The following COL5A2 variants were observed in gnomAD, a reference collection of about 807,000 sequenced individuals.
COL5A2 encodes collagen type V alpha 2 chain, also known as collagen alpha-2(V) chain.
In COL5A2, 23 loss-of-function variants were observed where a neutral mutation model predicts 208.2. That is an observed-to-expected ratio of 0.11 (90% CI 0.08 to 0.16). The LOEUF (loss-of-function observed/expected upper bound fraction) is 0.16, where lower values mean the gene tolerates loss of function less well. Among genes scored for constraint, COL5A2 ranks in the 10% least tolerant of loss-of-function variants. COL5A2 has a pLI of 1.00. For missense variants in COL5A2, 1,590 were observed against 1,956.4 expected (o/e 0.81, Z 3.53); for synonymous variants, 625 against 628.5 (o/e 0.99, Z 0.08).
At chr2:189,038,736 C>T (rs74787438) in intron 51 of COL5A2, among the ~76,000 whole-genome samples, 7,055 of 152,164 alleles carry the variant, frequency 0.046, 150 homozygotes, top group African/African-American at 0.061. Context: ...CTCGCTCTGT[C>T]GCCCAGGCAG....
At chr2:189,094,277 G>A (rs1476114523) in intron 6 of COL5A2, among the ~76,000 whole-genome samples, 1 of 152,032 alleles carries the variant, frequency 6.6e-6, no homozygotes, top group African/African-American at 2.4e-5. Context: ...AAAATTAAGT[G>A]AACACAAGAA....
At chr2:189,413,721 A>C in the COL5A2 span, among the ~76,000 whole-genome samples, 5 of 151,908 alleles carry the variant, frequency 3.3e-5, no homozygotes, top group African/African-American at 4.8e-5. Context: ...CCCAGCATTG[A>C]ATCCATTCAC....
chr2:189,236,260 G>A, the COL5A2 span, among the ~76,000 whole-genome samples: 1 of 151,634 alleles, frequency 6.6e-6, no homozygotes, highest in Non-Finnish European at 1.5e-5. Context: ...GCTGAGTCCT[G>A]TGAGTCCTAT....
intron 7 of COL5A2, among the ~76,000 whole-genome samples, chr2:189,089,086 G>A (rs557627351): frequency 2.2e-4 from 34 of 152,292 alleles, no homozygotes; most frequent in Middle Eastern, 3.4e-3. Flanking sequence ...TTGATTGCAG[G>A]TTTAAGTCTC....
Position 189,098,710 on chromosome 2 carries a change from T to G in COL5A2, c.402+17A>C. 1.9e-6 allele frequency: 3 copies of G among 1,599,670 alleles called. No homozygotes were observed. The highest frequency in any genetic ancestry group is 2.6e-6 in the Non-Finnish European group (3 of 1,166,924). ...AGGAATACAAGAGTACCAAGAATAT[T>G]GGGAGAAACTACTTACTGCCGGTCC... On this transcript the variant is annotated intron_variant, in intron 5 of 53. Transcript: ENST00000374866.
At chr2:189,291,178 C>T in the COL5A2 span, among the ~76,000 whole-genome samples, 1,593 of 152,122 alleles carry the variant, frequency 0.01, 30 homozygotes, top group African/African-American at 0.036. Flanking sequence ...TCTCAATAAA[C>T]ATTTTGATTT....
chr2:189,060,817 C>T lies in COL5A2; in HGVS notation c.2032-34G>A, dbSNP rs144419141. 111 of 1,568,002 alleles carry T rather than the reference C, an allele frequency of 7.1e-5. 1 individual carries two copies. The East Asian group carries it at 2.5e-3, about 35-fold the overall frequency. On this transcript the variant is annotated intron_variant, in intron 30 of 53. Coordinates refer to ENST00000374866, the MANE Select transcript of COL5A2 (RefSeq NM_000393.5). ...AAAGTAAGAAAATAAAATTGTGAAT[C>T]TGTGTAAGTTTAACAGGCTACCAGT...
chr2:189,361,274 T>C, the COL5A2 span, among the ~76,000 whole-genome samples: 2 of 152,188 alleles, frequency 1.3e-5, no homozygotes, highest in African/African-American at 2.4e-5. Flanking sequence ...ATTTGTTTTA[T>C]ATATTTGTGT....
intron 1 of COL5A2, among the ~76,000 whole-genome samples, chr2:189,142,956 A>T (rs948938886): frequency 2.0e-5 from 3 of 152,144 alleles, no homozygotes; most frequent in Non-Finnish European, 4.4e-5. Context: ...TATACCAATG[A>T]AAAATCTACA....
chr2:189,160,662 A>G (rs73980171), intron 1 of COL5A2, among the ~76,000 whole-genome samples: 42 of 152,166 alleles, frequency 2.8e-4, no homozygotes, highest in African/African-American at 1.0e-3. Context: ...ATAATTAATC[A>G]ATCAATAAAT....
chr2:189,040,189 T>C (rs1685529356), intron 50 of COL5A2, among the ~76,000 whole-genome samples: 1 of 152,176 alleles, frequency 6.6e-6, no homozygotes, highest in African/African-American at 2.4e-5. Context: ...CTTGCTACTA[T>C]GTTGCCCAAG....
Position 189,179,515 on chromosome 2 carries a change from G to A in COL5A2, c.90C>T (p.Asp30=), listed in dbSNP as rs1410835498. 4 of 1,611,374 alleles carry A rather than the reference G, an allele frequency of 2.5e-6. No homozygotes were observed. Among genetic ancestry groups the A allele is most frequent in the Non-Finnish European group, 8.5e-7 (1 of 1,178,708 alleles). ...AGCAAATGGCAAACTCACCATCCTC[G>A]TCTTCTTCCTGGGCTTTTATTGAGA... The part of the protein sequence containing the change: ...QFVSIKAQEE[D]EDEGYGEEIA... Residue 30 remains aspartate, a synonymous_variant, in exon 1 of 54, where the codon GAC becomes GAT. Transcript: ENST00000374866.
chr2:189,301,566 A>G, the COL5A2 span, among the ~76,000 whole-genome samples: 5 of 152,202 alleles, frequency 3.3e-5, no homozygotes, highest in African/African-American at 1.2e-4. Context: ...CCCAAATTTT[A>G]TGGACTATCA....
At chr2:189,144,565 T>C (rs1263456521) in intron 1 of COL5A2, among the ~76,000 whole-genome samples, 1 of 151,410 alleles carries the variant, frequency 6.6e-6, no homozygotes, top group African/African-American at 2.4e-5. Context: ...GTATATATTA[T>C]ATTTATATAT....
At chr2:189,067,884 AAG>A in intron 21 of COL5A2, 129 bp downstream of exon 21, 2 of 783,358 alleles carry the variant, frequency 2.6e-6, no homozygotes, top group Admixed American at 2.0e-5. Context: ...TCACTTCACA[AAG>A]ACTCCCATCT....
chr2:189,049,512 C>T, intron 43 of COL5A2, 58 bp from the exon 44 acceptor site: 5 of 1,389,024 alleles, frequency 3.6e-6, no homozygotes, highest in Non-Finnish European at 5.1e-6. Context: ...CGCTAGTTCC[C>T]ATAAAGGCTA....
chr2:189,058,631 A>C, intron 32 of COL5A2, 104 bp from the exon 33 acceptor site: 1 of 1,088,990 alleles, frequency 9.2e-7, no homozygotes, highest in Non-Finnish European at 1.4e-6. Flanking sequence ...CAGAAATGAG[A>C]CATTACTAAA....
chr2:189,039,350 G>A lies in COL5A2; in HGVS notation c.3847C>T (p.Arg1283Cys), dbSNP rs757841252. 11 of 1,614,072 alleles carry A rather than the reference G, an allele frequency of 6.8e-6. No homozygotes were observed. Among genetic ancestry groups the A allele is most frequent in the Non-Finnish European group, 9.3e-6 (11 of 1,180,022 alleles). The change falls in exon 51 of 54, where the codon CGC (arginine) becomes TGC (cysteine). Residue 1283 changes from arginine (R) to cysteine (C), a missense_variant. Transcript: ENST00000374866. Reference protein sequence around the residue: ...KSLSSQIETMRSPDGSKKHPA... With the variant: ...KSLSSQIETMCSPDGSKKHPA... ...TGCTTTTTCGAGCCATCGGGGCTGC[G>A]CATGGTTTCAATCTGACTACTGAGT...
At chr2:189,270,458 C>A in the COL5A2 span, among the ~76,000 whole-genome samples, 2 of 152,032 alleles carry the variant, frequency 1.3e-5, no homozygotes, top group Non-Finnish European at 2.9e-5. Context: ...AGAACGTATT[C>A]GTTTCTGCCT....
Sources: allele counts gnomAD v4.1 joint callset (sites outside exome capture counted in the v4.1 genomes callset), GRCh38; gene constraint gnomAD v4.1.1; transcripts MANE v1.5; gene names NCBI Gene and HGNC (gene_info 2026-07-23, HGNC 2026-07-21).